Variants in ARHGAP31 observed in about 807,000 individuals in gnomAD.
The protein encoded by ARHGAP31 is Rho GTPase activating protein 31, also known as rho GTPase-activating protein 31.
A neutral mutation model predicts 113.9 loss-of-function variants in ARHGAP31; 34 were observed. The ratio of observed to expected loss-of-function variants is 0.30; its 90% CI spans 0.23 to 0.40. ARHGAP31 has a LOEUF of 0.40. Among genes scored for constraint, ARHGAP31 ranks in the 10% least tolerant of loss-of-function variants. The probability of loss-of-function intolerance (pLI) is 1.00; values close to 1 mark genes in which losing one functional copy is unlikely to be tolerated. For missense variants in ARHGAP31, 1,548 were observed against 1,767.1 expected, an observed-to-expected ratio of 0.88 and a Z score of 2.22; for synonymous variants, 650 against 684.8, an observed-to-expected ratio of 0.95 and a Z score of 0.79.
intron 6 of ARHGAP31, among the ~76,000 whole-genome samples, chr3:119,384,915 T>C (rs368106775): frequency 1.1e-4 from 16 of 151,416 alleles, no homozygotes; most frequent in East Asian, 3.9e-4. Context: ...ATGCCATATA[T>C]GGTCTTTGGT....
At chr3:119,346,475 C>T (rs1300348806) in intron 1 of ARHGAP31, among the ~76,000 whole-genome samples, 1 of 152,214 alleles carries the variant, frequency 6.6e-6, no homozygotes, top group Non-Finnish European at 1.5e-5. Flanking sequence ...TTCTCTCTGG[C>T]ATTTTTGTTC....
chr3:119,330,101 A>G (rs2079879840), intron 1 of ARHGAP31: 2 of 811,242 alleles, frequency 2.5e-6, no homozygotes, highest in South Asian at 5.6e-5. Context: ...AATCACCCCA[A>G]TTAGTGTTGT....
chr3:119,313,724 T>C (rs1485819622), intron 1 of ARHGAP31, among the ~76,000 whole-genome samples: 1 of 152,214 alleles, frequency 6.6e-6, no homozygotes. Flanking sequence ...TTGGTCACAG[T>C]GGTTATCCAG....
Position 119,402,279 on chromosome 3 carries a change from C to A in ARHGAP31, c.1527C>A (p.Cys509Ter). The change falls in exon 10 of 12, where the codon TGC (cysteine) becomes TGA (stop). Residue 509 changes from cysteine (C) to a stop codon, truncating the protein, a stop_gained. Transcript: ENST00000264245. LOFTEE classifies it high-confidence loss of function. ...SAVISTNSTP[C>*]RTPPKELQSL... Reference sequence around the variant, plus strand: ...TCATCAGCACCAACAGCACGCCGTGCAGAACACCCCCGAAGGAGCTGCAGT... The same window carrying A: ...TCATCAGCACCAACAGCACGCCGTGAAGAACACCCCCGAAGGAGCTGCAGT... The A allele has an allele frequency of 6.2e-7, 1 of 1,614,258 alleles. No homozygotes were observed. The highest frequency in any genetic ancestry group is 1.1e-5 in the South Asian group (1 of 91,092).
At chr3:119,385,782 C>T (rs149652114) in intron 6 of ARHGAP31, among the ~76,000 whole-genome samples, 3 of 152,368 alleles carry the variant, frequency 2.0e-5, no homozygotes, top group East Asian at 1.9e-4. Context: ...TAATTCGCTG[C>T]GTGTGGACTA....
In ARHGAP31 at chr3:119,342,703, G is replaced by A. The variant is rs192230595; in HGVS notation, c.101-22613G>A. On this transcript the variant is annotated intron_variant, in intron 1 of 11. Transcript: ENST00000264245. ...AGTGGCTCATGCCTGTATTCCCAGC[G>A]CTTGGGGAGGCCAAGGTGGGCGGAT... Among the ~76,000 whole-genome samples, 20 of 152,286 alleles carry A rather than the reference G, an allele frequency of 1.3e-4. 1 individual carries two copies. The highest frequency in any genetic ancestry group is 4.6e-4 in the Admixed American group (7 of 15,292).
At chr3:119,333,488 G>A (rs754274127) in intron 1 of ARHGAP31, among the ~76,000 whole-genome samples, 7 of 152,048 alleles carry the variant, frequency 4.6e-5, no homozygotes, top group African/African-American at 1.2e-4. Context: ...AAAGTATTTC[G>A]TCTTTTCTGA....
intron 10 of ARHGAP31, among the ~76,000 whole-genome samples, chr3:119,407,904 A>T (rs1395143464): frequency 6.6e-6 from 1 of 152,218 alleles, no homozygotes. Context: ...TCACAGATCA[A>T]AATTCTCCAG....
intron 1 of ARHGAP31, among the ~76,000 whole-genome samples, chr3:119,332,684 C>T (rs1016788041): frequency 6.8e-6 from 1 of 146,908 alleles, no homozygotes; most frequent in African/African-American, 2.5e-5. Context: ...CACGCATGCA[C>T]GCACGACTTT....
chr3:119,337,858 C>T (rs914688804), intron 1 of ARHGAP31, among the ~76,000 whole-genome samples: 1 of 152,180 alleles, frequency 6.6e-6, no homozygotes, highest in African/African-American at 2.4e-5. Context: ...ATTTACAATC[C>T]TTTAGCTAGA....
At chr3:119,353,333 C>A (rs546876989) in intron 1 of ARHGAP31, among the ~76,000 whole-genome samples, 20 of 152,270 alleles carry the variant, frequency 1.3e-4, no homozygotes, top group Admixed American at 1.0e-3. Flanking sequence ...TTTAAAAGAA[C>A]TTTTGTTACA....
At chr3:119,319,810 A>G (rs1246929467) in intron 1 of ARHGAP31, among the ~76,000 whole-genome samples, 1 of 152,232 alleles carries the variant, frequency 6.6e-6, no homozygotes, top group African/African-American at 2.4e-5. Flanking sequence ...ACGAATGTCC[A>G]GTGTCTGACC....
chr3:119,400,389 G>A (rs112007360), intron 9 of ARHGAP31, among the ~76,000 whole-genome samples: 2,810 of 152,094 alleles, frequency 0.018, 72 homozygotes, highest in African/African-American at 0.063. Flanking sequence ...CACGAGAATC[G>A]TTTGAACCCA....
intron 8 of ARHGAP31, 78 bp downstream of exon 8, chr3:119,393,669 T>C (rs1037316442): frequency 1.7e-5 from 26 of 1,522,288 alleles, no homozygotes; most frequent in Non-Finnish European, 2.3e-5. Flanking sequence ...GGTTTGATCA[T>C]ATCAAACACA....
intron 1 of ARHGAP31, among the ~76,000 whole-genome samples, chr3:119,359,164 T>C (rs1241319946): frequency 2.6e-5 from 4 of 151,944 alleles, no homozygotes; most frequent in Non-Finnish European, 5.9e-5. Context: ...ATTATAGGCG[T>C]GCACCACCAT....
intron 1 of ARHGAP31, among the ~76,000 whole-genome samples, chr3:119,360,803 CA>C: frequency 6.6e-6 from 1 of 152,100 alleles, no homozygotes; most frequent in Admixed American, 6.5e-5. Context: ...CTAGGAAAAA[CA>C]AAACAAAACA....
chr3:119,329,776 C>G (rs1332891943), intron 1 of ARHGAP31: 1 of 983,170 alleles, frequency 1.0e-6, no homozygotes, highest in East Asian at 1.1e-4. Flanking sequence ...CCACAGTGCC[C>G]AGTGAAAGGA....
Position 119,343,086 on chromosome 3 carries a change from C to A in ARHGAP31, c.101-22230C>A, listed in dbSNP as rs190820016. Reference sequence around the variant, plus strand: ...TATAAACATGTCAGAACAAATCATTCTCCTGATTATCATTGACAGGTGAGT... The same window carrying A: ...TATAAACATGTCAGAACAAATCATTATCCTGATTATCATTGACAGGTGAGT... On this transcript the variant is annotated intron_variant, in intron 1 of 11. Transcript: ENST00000264245. Among the ~76,000 whole-genome samples the A allele has an allele frequency of 6.2e-3, 936 of 151,064 alleles. 11 individuals carry two copies. The highest frequency in any genetic ancestry group is 0.014 in the Middle Eastern group (4 of 294).
At chr3:119,317,688 G>T (rs1464003174) in intron 1 of ARHGAP31, among the ~76,000 whole-genome samples, 1 of 152,120 alleles carries the variant, frequency 6.6e-6, no homozygotes, top group Non-Finnish European at 1.5e-5. Flanking sequence ...GAAGAAAGAA[G>T]AAATGAGAGG....
Sources: gnomAD v4.1 joint callset for allele counts (sites outside exome capture counted in the v4.1 genomes callset) on GRCh38, gnomAD v4.1.1 for gene constraint, MANE v1.5 for transcripts, NCBI Gene and HGNC (gene_info 2026-07-23, HGNC 2026-07-21) for gene names.